HRH1: variants seen among roughly 807,000 people sequenced by gnomAD.
HRH1 encodes the protein histamine receptor H1.
In HRH1, 6 loss-of-function variants were observed where a neutral mutation model predicts 10.3. That is an observed-to-expected ratio of 0.58 (90% CI 0.32 to 1.15). The LOEUF (loss-of-function observed/expected upper bound fraction) is 1.15, where lower values mean the gene tolerates loss of function less well. HRH1 is among the 50% of genes most tolerant of loss of function. The probability of loss-of-function intolerance (pLI) is 0.05; values close to 1 mark genes in which losing one functional copy is unlikely to be tolerated. For synonymous variants in HRH1, 242 were observed against 236.7 expected (o/e 1.02, Z -0.21); for missense variants, 514 against 615.3 (o/e 0.84, Z 1.74).
intron 1 of HRH1, among the ~76,000 whole-genome samples, chr3:11,165,090 G>T (rs1214312792): frequency 6.6e-6 from 1 of 152,208 alleles, no homozygotes; most frequent in African/African-American, 2.4e-5. Context: ...TCTCATACGA[G>T]AAAGCACAGT....
intron 1 of HRH1, among the ~76,000 whole-genome samples, chr3:11,256,166 G>C (rs1362041174): frequency 6.6e-6 from 1 of 152,120 alleles, no homozygotes; most frequent in African/African-American, 2.4e-5. Context: ...AGGACTTTGG[G>C]TCACCCAAGG....
chr3:11,226,644 G>C (rs1349231362), intron 1 of HRH1: 8 of 152,072 alleles, frequency 5.3e-5, no homozygotes, highest in Admixed American at 5.2e-4. Flanking sequence ...CCAGCACTTT[G>C]GGAGGCTGAC....
intron 1 of HRH1, among the ~76,000 whole-genome samples, chr3:11,201,454 C>T (rs1328966503): frequency 2.0e-5 from 3 of 151,918 alleles, no homozygotes; most frequent in Non-Finnish European, 2.9e-5. Flanking sequence ...ACTTGGGGGA[C>T]GGTAGAGGGC....
chr3:11,144,474 C>CGTATAGACATACGTCTATAAGT (rs1559249802), intron 1 of HRH1, among the ~76,000 whole-genome samples: 2 of 148,906 alleles, frequency 1.3e-5, no homozygotes, highest in African/African-American at 2.4e-5. Context: ...TACATATAGA[C>CGTATAGACATACGTCTATAAGT]ATATATATAC....
chr3:11,176,168 C>CAAAAAAAAAA (rs3082255), intron 1 of HRH1, among the ~76,000 whole-genome samples: 5 of 120,018 alleles, frequency 4.2e-5, no homozygotes, highest in Admixed American at 8.5e-5. Context: ...GAACCTGTCT[C>CAAAAAAAAAA]AAAAAAAAAA....
At chr3:11,162,305 A>G (rs890883883) in intron 1 of HRH1, among the ~76,000 whole-genome samples, 1 of 151,972 alleles carries the variant, frequency 6.6e-6, no homozygotes, top group Non-Finnish European at 1.5e-5. Flanking sequence ...GCTCCCATCG[A>G]GTGGCAGGAT....
intron 1 of HRH1, among the ~76,000 whole-genome samples, chr3:11,200,828 A>T (rs998213616): frequency 3.9e-5 from 6 of 152,192 alleles, no homozygotes; most frequent in African/African-American, 1.4e-4. Context: ...TCATCTGGGA[A>T]ATGGGAAGGC....
At chr3:11,153,060 T>C (rs1475629798), upstream of HRH1, among the ~76,000 whole-genome samples, 1 of 152,042 alleles carries the variant, frequency 6.6e-6, no homozygotes, top group East Asian at 1.9e-4. Context: ...TTTATAGAAA[T>C]GGCATCATGA....
At chr3:11,176,150 C>T (rs2125014697) in intron 1 of HRH1, among the ~76,000 whole-genome samples, 1 of 142,476 alleles carries the variant, frequency 7.0e-6, no homozygotes, top group South Asian at 2.1e-4. Flanking sequence ...GCCTGGATAA[C>T]AGAGTGAGAA....
intron 1 of HRH1, among the ~76,000 whole-genome samples, chr3:11,194,515 A>T (rs548579062): frequency 5.9e-5 from 9 of 152,314 alleles, no homozygotes; most frequent in African/African-American, 1.9e-4. Flanking sequence ...CTGTACTATT[A>T]TTTACTTAAT....
Position 11,182,078 on chromosome 3 carries a change from G to C in HRH1, c.-36+27524G>C, listed in dbSNP as rs184317464. ...GCTCACTGCAACCTCCGCCTCCCTG[G>C]TTCAAGCAATTCTCCTGCCTTAGCC... On this transcript the variant is annotated intron_variant, in intron 1 of 1. Transcript: ENST00000431010. Among the ~76,000 whole-genome samples, 13 of 152,224 alleles carry C rather than the reference G, an allele frequency of 8.5e-5. No individual in the cohort carries two copies. In the South Asian group the frequency reaches 1.0e-3, roughly 12 times the overall value.
At chr3:11,181,792 C>A (rs1431806359) in intron 1 of HRH1, among the ~76,000 whole-genome samples, 1 of 152,002 alleles carries the variant, frequency 6.6e-6, no homozygotes, top group African/African-American at 2.4e-5. Flanking sequence ...CCACTGCGCC[C>A]AGCTAATTTT....
chr3:11,155,626 A>G (rs377460981), intron 1 of HRH1, among the ~76,000 whole-genome samples: 6 of 152,304 alleles, frequency 3.9e-5, no homozygotes, highest in African/African-American at 1.4e-4. Context: ...CCTGGAGCAG[A>G]CAAGACGAGG....
chr3:11,217,274 A>C (rs1938542043), intron 1 of HRH1, among the ~76,000 whole-genome samples: 1 of 151,888 alleles, frequency 6.6e-6, no homozygotes, highest in South Asian at 2.1e-4. Context: ...TCACACCTGT[A>C]ATCCCAGCCC....
chr3:11,232,816 T>G (rs1236059749), intron 1 of HRH1, among the ~76,000 whole-genome samples: 1 of 152,248 alleles, frequency 6.6e-6, no homozygotes, highest in Non-Finnish European at 1.5e-5. Context: ...TGTTTTAGTT[T>G]TCAGCACACA....
intron 1 of HRH1, among the ~76,000 whole-genome samples, chr3:11,168,259 G>A (rs1937086323): frequency 2.0e-5 from 3 of 152,192 alleles, no homozygotes; most frequent in Non-Finnish European, 4.4e-5. Flanking sequence ...AGGAGATGGA[G>A]TCAGAGGTCA....
chr3:11,144,404 G>T (rs1317069535), intron 1 of HRH1, among the ~76,000 whole-genome samples: 2 of 150,290 alleles, frequency 1.3e-5, no homozygotes, highest in African/African-American at 4.8e-5. Flanking sequence ...TATACATATA[G>T]ACATACATCT....
At chr3:11,257,485 G>A (rs1939811927) in intron 1 of HRH1, among the ~76,000 whole-genome samples, 1 of 151,400 alleles carries the variant, frequency 6.6e-6, no homozygotes, top group African/African-American at 2.4e-5. Flanking sequence ...ACTTGAATTT[G>A]GGAGCTGGAG....
intron 1 of HRH1, among the ~76,000 whole-genome samples, chr3:11,232,908 T>C (rs1378185119): frequency 6.6e-6 from 1 of 152,246 alleles, no homozygotes; most frequent in East Asian, 1.9e-4. Flanking sequence ...GAGTCTGGGC[T>C]GACAGCTCTT....
Sources: allele counts gnomAD v4.1 joint callset (sites outside exome capture counted in the v4.1 genomes callset), GRCh38; gene constraint gnomAD v4.1.1; transcripts MANE v1.5; gene names NCBI Gene and HGNC (gene_info 2026-07-23, HGNC 2026-07-21).